The following CSMD1 variants were observed in gnomAD, a reference collection of about 807,000 sequenced individuals.
CSMD1 encodes CUB and Sushi multiple domains 1, also known as CUB and sushi domain-containing protein 1.
A neutral mutation model predicts 417.5 loss-of-function variants in CSMD1; 213 were observed. The ratio of observed to expected loss-of-function variants is 0.51; its 90% CI spans 0.46 to 0.57. The LOEUF is 0.57. Among genes scored for constraint, CSMD1 ranks in the 20% least tolerant of loss-of-function variants. CSMD1 has a pLI of 0.00. For synonymous variants in CSMD1, 2,862 were observed against 1,736.8 expected (o/e 1.65, Z -16.11); for missense variants, 6,923 against 4,529.7 (o/e 1.53, Z -15.17).
intron 5 of CSMD1, among the ~76,000 whole-genome samples, chr8:3,859,016 T>G (rs1433770794): frequency 6.6e-6 from 1 of 152,212 alleles, no homozygotes; most frequent in East Asian, 1.9e-4. Context: ...TGCTATGAAG[T>G]GTTCCCTAAA....
intron 10 of CSMD1, among the ~76,000 whole-genome samples, chr8:3,573,205 T>C (rs1346905703): frequency 1.3e-5 from 2 of 152,206 alleles, no homozygotes; most frequent in East Asian, 1.9e-4. Flanking sequence ...TATCTGTTTT[T>C]CACAACTATT....
At chr8:3,639,108 C>G (rs2406993) in intron 7 of CSMD1, among the ~76,000 whole-genome samples, 21,232 of 152,040 alleles carry the variant, frequency 0.14, 3,004 homozygotes, top group African/African-American at 0.36. Flanking sequence ...ATGCAAAGGA[C>G]TTCATTCTAG....
Position 3,445,483 on chromosome 8 carries a change from G to C in CSMD1, c.1561+23229C>G, listed in dbSNP as rs10283026. Among the ~76,000 whole-genome samples the C allele has an allele frequency of 5.3e-3, 801 of 152,288 alleles. 8 individuals carry two copies. The highest frequency in any genetic ancestry group is 0.018 in the African/African-American group (750 of 41,566). ...TCAACTTAAACACACAGCTCGAGCAGATGGAACCAAGCCTCTATAGCTGCA... is the reference window on the plus strand; with the variant it reads ...TCAACTTAAACACACAGCTCGAGCACATGGAACCAAGCCTCTATAGCTGCA... On this transcript the variant is annotated intron_variant, in intron 12 of 69. Coordinates refer to ENST00000635120, the MANE Select transcript of CSMD1 (RefSeq NM_033225.6).
chr8:3,424,374 AT>A (rs1813688831), intron 12 of CSMD1, among the ~76,000 whole-genome samples: 1 of 152,054 alleles, frequency 6.6e-6, no homozygotes, highest in African/African-American at 2.4e-5. Context: ...TAGTTCGCAC[AT>A]TGCCCAGTTA....
intron 2 of CSMD1, among the ~76,000 whole-genome samples, chr8:4,601,569 T>G (rs1448484033): frequency 6.6e-6 from 1 of 152,140 alleles, no homozygotes; most frequent in East Asian, 1.9e-4. Flanking sequence ...TATTAAGAAT[T>G]GAATACTTTA....
intron 49 of CSMD1, among the ~76,000 whole-genome samples, chr8:3,053,100 T>C (rs1811977987): frequency 6.6e-6 from 1 of 152,112 alleles, no homozygotes; most frequent in East Asian, 1.9e-4. Flanking sequence ...ATTTCTAGGG[T>C]ATGGGATAAG....
chr8:2,984,850 T>C (rs1310784121), intron 54 of CSMD1, among the ~76,000 whole-genome samples: 3 of 152,238 alleles, frequency 2.0e-5, no homozygotes, highest in South Asian at 2.1e-4. Flanking sequence ...TGTTGGTGTT[T>C]TTTAACTCAC....
intron 50 of CSMD1, among the ~76,000 whole-genome samples, chr8:3,033,005 G>A (rs547024274): frequency 3.9e-5 from 6 of 151,926 alleles, no homozygotes; most frequent in East Asian, 3.9e-4. Flanking sequence ...ATAATACCAC[G>A]GCAACTTGAC....
At chr8:3,047,300 G>A (rs533945790) in intron 50 of CSMD1, among the ~76,000 whole-genome samples, 2 of 150,050 alleles carry the variant, frequency 1.3e-5, no homozygotes, top group East Asian at 3.9e-4. Flanking sequence ...CATCTCTTCT[G>A]TAGAAATTGG....
chr8:4,051,887 C>CCTGCTTT (rs57805638), intron 3 of CSMD1, among the ~76,000 whole-genome samples: 1 of 133,840 alleles, frequency 7.5e-6, no homozygotes, highest in African/African-American at 2.9e-5. Flanking sequence ...TTTCTTCCTT[C>CCTGCTTT]CTTCCTTCCT....
intron 7 of CSMD1, among the ~76,000 whole-genome samples, chr8:3,641,637 C>G (rs983561699): frequency 2.6e-4 from 40 of 152,120 alleles, no homozygotes; most frequent in African/African-American, 9.4e-4. Context: ...AGAATACCAG[C>G]ATTTATAGTC....
At chr8:3,639,303 C>G (rs1046885251) in intron 7 of CSMD1, among the ~76,000 whole-genome samples, 2 of 152,018 alleles carry the variant, frequency 1.3e-5, no homozygotes, top group Non-Finnish European at 2.9e-5. Flanking sequence ...ACTATTTTTG[C>G]TTGGGGTGTT....
chr8:4,154,520 G>A (rs1158833491), intron 3 of CSMD1, among the ~76,000 whole-genome samples: 2 of 152,212 alleles, frequency 1.3e-5, no homozygotes, highest in African/African-American at 4.8e-5. Context: ...AAGAGCCACT[G>A]TGGAGAAAGA....
At chr8:4,862,747 G>C (rs1285841636) in intron 1 of CSMD1, among the ~76,000 whole-genome samples, 1 of 152,066 alleles carries the variant, frequency 6.6e-6, no homozygotes, top group Non-Finnish European at 1.5e-5. Context: ...TAAAAACACA[G>C]TAGCGACAAC....
At chr8:3,544,242 C>T (rs1421590212) in intron 10 of CSMD1, among the ~76,000 whole-genome samples, 1 of 152,044 alleles carries the variant, frequency 6.6e-6, no homozygotes, top group Non-Finnish European at 1.5e-5. Flanking sequence ...ATTAAAAGTG[C>T]CCCGACATCC....
At chr8:3,419,385 G>A (rs1438979045) in intron 12 of CSMD1, among the ~76,000 whole-genome samples, 1 of 152,146 alleles carries the variant, frequency 6.6e-6, no homozygotes, top group African/African-American at 2.4e-5. Flanking sequence ...ACCAGATGAA[G>A]CCAGATGAAC....
At chr8:4,055,908 G>C (rs185590715) in intron 3 of CSMD1, among the ~76,000 whole-genome samples, 2 of 152,002 alleles carry the variant, frequency 1.3e-5, no homozygotes, top group Admixed American at 6.6e-5. Flanking sequence ...TGAGTCATTA[G>C]TATTTAAGCT....
intron 7 of CSMD1, among the ~76,000 whole-genome samples, chr8:3,623,997 A>G (rs1242206496): frequency 6.6e-6 from 1 of 152,090 alleles, no homozygotes; most frequent in African/African-American, 2.4e-5. Context: ...AAAACAAAAA[A>G]AAAACCTTTC....
intron 1 of CSMD1, among the ~76,000 whole-genome samples, chr8:4,820,848 C>A (rs1294231796): frequency 1.3e-5 from 2 of 152,052 alleles, no homozygotes; most frequent in Non-Finnish European, 1.5e-5. Flanking sequence ...AATACTAATG[C>A]AAGAATAATT....
Sources: allele counts gnomAD v4.1 joint callset (sites outside exome capture counted in the v4.1 genomes callset), GRCh38; gene constraint gnomAD v4.1.1; transcripts MANE v1.5; gene names NCBI Gene and HGNC (gene_info 2026-07-23, HGNC 2026-07-21).